GAREM1: variants seen among roughly 807,000 people sequenced by gnomAD.
GAREM1 encodes the protein GRB2 associated regulator of MAPK1 subtype 1.
GAREM1 carries 26 observed loss-of-function variants against 71.3 expected under a neutral mutation model. The ratio of observed to expected loss-of-function variants is 0.36; its 90% CI spans 0.27 to 0.51. The LOEUF (loss-of-function observed/expected upper bound fraction) is 0.51, where lower values mean the gene tolerates loss of function less well. Ranked by LOEUF, GAREM1 falls within the 20% of genes least tolerant of loss-of-function variation. The pLI, the probability that GAREM1 is intolerant of heterozygous loss-of-function variation, is 0.95. For synonymous variants in GAREM1, 440 were observed against 433.2 expected (o/e 1.02, Z -0.20); for missense variants, 1,026 against 1,103.1 (o/e 0.93, Z 0.99).
chr18:32,364,024 ATATGT>A (rs2047901624), intron 2 of GAREM1, among the ~76,000 whole-genome samples: 1 of 52,224 alleles, frequency 1.9e-5, no homozygotes, highest in African/African-American at 1.5e-4. Context: ...ATATATATAT[ATATGT>A]TTTTTTTTTT....
rs544544535 is a variant in GAREM1 at position 32,446,255 on chromosome 18, TAAC to T, written c.121+24050_121+24052del. ...GTGTGTGTGTGTGTGTGTGTGTGTA[TAAC>T]AACAGAATTGTTCACCATTAACACA... is the stretch of plus-strand genomic sequence containing the variant. On this transcript the variant is annotated intron_variant, in intron 1 of 5. Transcript: ENST00000269209. Among the ~76,000 whole-genome samples the T allele has an allele frequency of 3.4e-3, 509 of 149,244 alleles. 3 individuals carry two copies. Among genetic ancestry groups the T allele is most frequent in the African/African-American group, 0.012 (477 of 40,826 alleles).
At chr18:32,426,889 T>C (rs1180609889) in intron 1 of GAREM1, among the ~76,000 whole-genome samples, 1 of 152,202 alleles carries the variant, frequency 6.6e-6, no homozygotes, top group Non-Finnish European at 1.5e-5. Flanking sequence ...TGATTTCCTT[T>C]TCCTCTTACA....
intron 4 of GAREM1, among the ~76,000 whole-genome samples, chr18:32,271,964 ACT>A (rs1455930766): frequency 6.6e-6 from 1 of 151,954 alleles, no homozygotes; most frequent in Non-Finnish European, 1.5e-5. Flanking sequence ...GCCAATTCTG[ACT>A]CTGTCAAAAA....
At chr18:32,341,777 ATT>A (rs2047650160) in intron 2 of GAREM1, among the ~76,000 whole-genome samples, 1 of 152,204 alleles carries the variant, frequency 6.6e-6, no homozygotes, top group Admixed American at 6.5e-5. Flanking sequence ...CCCAGCAACC[ATT>A]TAAGGGCAGA....
chr18:32,316,119 T>G (rs2047375859), intron 2 of GAREM1, among the ~76,000 whole-genome samples: 1 of 152,206 alleles, frequency 6.6e-6, no homozygotes, highest in Non-Finnish European at 1.5e-5. Flanking sequence ...CAGGAAGACT[T>G]CAGAATCACA....
chr18:32,330,007 T>G (rs1567966678), intron 2 of GAREM1, among the ~76,000 whole-genome samples: 1 of 129,602 alleles, frequency 7.7e-6, no homozygotes, highest in African/African-American at 3.2e-5. Flanking sequence ...CAAAAATAGA[T>G]TTTTGACAAA....
intron 1 of GAREM1, among the ~76,000 whole-genome samples, chr18:32,446,224 G>GTT (rs2048784683): frequency 1.3e-5 from 1 of 77,386 alleles, no homozygotes; most frequent in Admixed American, 1.0e-4. Context: ...GTTCCCCATA[G>GTT]TGTGTGTGTG....
At chr18:32,412,222 T>C in intron 1 of GAREM1, 1 of 1,572,766 alleles carries the variant, frequency 6.4e-7, no homozygotes, top group Non-Finnish European at 8.6e-7. Flanking sequence ...AATTAAAATC[T>C]TCTGCCACTG....
At chr18:32,276,131 G>T (rs1338754347) in intron 4 of GAREM1, among the ~76,000 whole-genome samples, 1 of 152,236 alleles carries the variant, frequency 6.6e-6, no homozygotes, top group East Asian at 1.9e-4. Flanking sequence ...GGTAGAAACG[G>T]TGAGTTCTGT....
At chr18:32,296,377 A>G (rs879906769) in intron 3 of GAREM1, among the ~76,000 whole-genome samples, 2 of 152,232 alleles carry the variant, frequency 1.3e-5, no homozygotes, top group Non-Finnish European at 2.9e-5. Flanking sequence ...TGGCATGTTT[A>G]TCAAAACTAA....
chr18:32,464,402 T>C (rs66569206), intron 1 of GAREM1, among the ~76,000 whole-genome samples: 54,379 of 152,012 alleles, frequency 0.36, 10,099 homozygotes, highest in African/African-American at 0.43. Context: ...CTACATAGTC[T>C]CAGGTACCTG....
chr18:32,456,257 G>A (rs1215612043), intron 1 of GAREM1, among the ~76,000 whole-genome samples: 1 of 152,014 alleles, frequency 6.6e-6, no homozygotes, highest in Non-Finnish European at 1.5e-5. Context: ...GAACAAGCAA[G>A]CCAACAACAG....
intron 1 of GAREM1, among the ~76,000 whole-genome samples, chr18:32,448,234 T>C (rs2048802288): frequency 1.3e-5 from 2 of 152,206 alleles, no homozygotes; most frequent in Admixed American, 6.5e-5. Flanking sequence ...ACTGTGTTTA[T>C]ACCTATCTAT....
intron 2 of GAREM1, among the ~76,000 whole-genome samples, chr18:32,377,200 T>C (rs955409024): frequency 1.3e-5 from 2 of 152,154 alleles, no homozygotes; most frequent in Non-Finnish European, 2.9e-5. Flanking sequence ...CCCAAGGTGT[T>C]AGGCCACAGA....
rs569789602 is a variant in GAREM1, at chr18:32,461,697, A to ACAAT, written c.121+8610_121+8611insATTG. On this transcript the variant is annotated intron_variant, in intron 1 of 5. Transcript: ENST00000269209. The stretch of plus-strand genomic sequence containing the variant: ...GGGACAGAGCAAGACTCTGTCTCAA[A>ACAAT]AAATAAATAAATAAATAATAATATT... Among the ~76,000 whole-genome samples, 425 of 152,302 alleles carry ACAAT rather than the reference A, an allele frequency of 2.8e-3. 2 individuals carry two copies. The highest frequency in any genetic ancestry group is 6.8e-3 in the Middle Eastern group (2 of 294).
chr18:32,407,038 T>C (rs566220691), intron 1 of GAREM1, among the ~76,000 whole-genome samples: 3 of 152,324 alleles, frequency 2.0e-5, no homozygotes, highest in African/African-American at 4.8e-5. Flanking sequence ...TTTATTACTA[T>C]GCTAAAAGTC....
intron 1 of GAREM1, among the ~76,000 whole-genome samples, chr18:32,468,625 G>A (rs1226032531): frequency 6.6e-6 from 1 of 152,188 alleles, no homozygotes; most frequent in Non-Finnish European, 1.5e-5. Flanking sequence ...GAATGGCAGG[G>A]ATAGAAAAGT....
intron 2 of GAREM1, among the ~76,000 whole-genome samples, chr18:32,363,899 G>T (rs2047890775): frequency 7.8e-6 from 1 of 127,806 alleles, no homozygotes; most frequent in African/African-American, 3.5e-5. Context: ...TTTGGTCAAG[G>T]TTATACACAC....
At chr18:32,455,083 T>A (rs147613625) in intron 1 of GAREM1, among the ~76,000 whole-genome samples, 1 of 152,356 alleles carries the variant, frequency 6.6e-6, no homozygotes, top group Admixed American at 6.5e-5. Context: ...GGTTTTGTTA[T>A]AATCTTACAC....
Sources: allele counts gnomAD v4.1 joint callset (sites outside exome capture counted in the v4.1 genomes callset), GRCh38; gene constraint gnomAD v4.1.1; transcripts MANE v1.5; gene names NCBI Gene and HGNC (gene_info 2026-07-23, HGNC 2026-07-21).